The following PDE1C variants were observed in gnomAD, a reference collection of about 807,000 sequenced individuals.
PDE1C encodes dual specificity calcium/calmodulin-dependent 3',5'-cyclic nucleotide phosphodiesterase 1C.
A neutral mutation model predicts 93.1 loss-of-function variants in PDE1C; 62 were observed. The observed-to-expected ratio is 0.67, with a 90% confidence interval of 0.54 to 0.82. The LOEUF (loss-of-function observed/expected upper bound fraction) is 0.82. Ranked by LOEUF, PDE1C falls within the 40% of genes least tolerant of loss-of-function variation. The probability of loss-of-function intolerance (pLI) is 0.00; values close to 1 mark genes in which losing one functional copy is unlikely to be tolerated. For synonymous variants in PDE1C, 325 were observed against 310.1 expected (o/e 1.05, Z -0.50); for missense variants, 742 against 884.6 (o/e 0.84, Z 2.04).
chr7:32,075,793 C>T (rs1796315966), upstream of PDE1C, among the ~76,000 whole-genome samples: 1 of 152,160 alleles, frequency 6.6e-6, no homozygotes, highest in Admixed American at 6.5e-5. Flanking sequence ...CCCACAGTTT[C>T]TGCGCCTCTC....
intron 2 of PDE1C, among the ~76,000 whole-genome samples, chr7:31,983,549 G>C (rs1782967251): frequency 6.6e-6 from 1 of 152,110 alleles, no homozygotes; most frequent in African/African-American, 2.4e-5. Context: ...TCCTGCAAAA[G>C]TCAAATGAGA....
rs1583955079 is a variant in PDE1C, at chr7:31,759,700, A to G, written c.1961-6147T>C. Among the ~76,000 whole-genome samples, 3 of 152,304 alleles carry G rather than the reference A, an allele frequency of 2.0e-5. No homozygotes were observed. In the South Asian group the frequency reaches 6.2e-4, roughly 32 times the overall value. On this transcript the variant is annotated intron_variant, in intron 17 of 17. Coordinates refer to ENST00000396191, the MANE Select transcript of PDE1C (RefSeq NM_001191057.4). ...AAAAATTGATACATCACCGTCCTTT[A>G]TTTTATAATTATGCTCCATGTTTGA...
chr7:31,792,213 T>C (rs1784663235), intron 16 of PDE1C, among the ~76,000 whole-genome samples: 1 of 152,120 alleles, frequency 6.6e-6, no homozygotes, highest in South Asian at 2.1e-4. Context: ...CTAAGGTCCC[T>C]ATATCATAGC....
intron 1 of PDE1C, among the ~76,000 whole-genome samples, chr7:32,225,555 G>C (rs1364592641): frequency 6.6e-6 from 1 of 152,118 alleles, no homozygotes; most frequent in Admixed American, 6.5e-5. Context: ...TTAGGTGGGA[G>C]ATTGGAACAA....
the PDE1C span, among the ~76,000 whole-genome samples, chr7:31,680,846 A>G: frequency 6.6e-6 from 1 of 152,200 alleles, no homozygotes; most frequent in Admixed American, 6.5e-5. Flanking sequence ...TGAAAGGGCA[A>G]AGAGGTGGGA....
chr7:31,821,595 G>A (rs573555711), intron 14 of PDE1C, among the ~76,000 whole-genome samples: 2 of 152,136 alleles, frequency 1.3e-5, no homozygotes, highest in African/African-American at 4.8e-5. Flanking sequence ...GAATGGACTA[G>A]GAGAGGGTGC....
At chr7:32,003,221 C>A (rs1785710365) in intron 2 of PDE1C, among the ~76,000 whole-genome samples, 1 of 152,212 alleles carries the variant, frequency 6.6e-6, no homozygotes, top group East Asian at 1.9e-4. Flanking sequence ...TTGCTGGAAT[C>A]AGTTCTTTTT....
intron 1 of PDE1C, among the ~76,000 whole-genome samples, chr7:32,063,609 G>A (rs758576894): frequency 1.1e-4 from 16 of 152,192 alleles, no homozygotes; most frequent in Non-Finnish European, 2.1e-4. Flanking sequence ...AGCTGCATGA[G>A]TATTCAAGTA....
At chr7:31,691,409 C>T in the PDE1C span, among the ~76,000 whole-genome samples, 83 of 152,262 alleles carry the variant, frequency 5.5e-4, no homozygotes, top group Middle Eastern at 6.8e-3. Flanking sequence ...TTATTTATTC[C>T]TCCCCCACCA....
the PDE1C span, chr7:31,643,256 C>T: frequency 5.6e-6 from 9 of 1,613,804 alleles, no homozygotes; most frequent in Non-Finnish European, 5.1e-6. Context: ...TGTCCTCACA[C>T]CAACCACAGC....
At chr7:31,919,770 C>A (rs1185133194) in intron 2 of PDE1C, among the ~76,000 whole-genome samples, 1 of 152,176 alleles carries the variant, frequency 6.6e-6, no homozygotes, top group Non-Finnish European at 1.5e-5. Flanking sequence ...AGGGGAAAAT[C>A]CAGTCCACCT....
intron 1 of PDE1C, among the ~76,000 whole-genome samples, chr7:32,065,224 A>C (rs946849627): frequency 6.6e-6 from 1 of 152,180 alleles, no homozygotes; most frequent in African/African-American, 2.4e-5. Context: ...TATCTCAGTT[A>C]AGTGCAAGCA....
intron 3 of PDE1C, among the ~76,000 whole-genome samples, chr7:32,127,688 A>T (rs531757478): frequency 1.3e-5 from 2 of 152,102 alleles, no homozygotes; most frequent in Admixed American, 6.6e-5. Context: ...AAAATATAAA[A>T]TGCCTAGAAA....
intron 1 of PDE1C, among the ~76,000 whole-genome samples, chr7:32,399,223 C>G (rs215729): frequency 1.3e-5 from 2 of 151,950 alleles, no homozygotes; most frequent in Non-Finnish European, 2.9e-5. Context: ...AGTTTTGTCC[C>G]CATGTTGGAT....
intron 2 of PDE1C, among the ~76,000 whole-genome samples, chr7:32,179,182 G>C (rs564634816): frequency 2.3e-5 from 2 of 85,886 alleles, no homozygotes; most frequent in Non-Finnish European, 5.2e-5. Context: ...AGAACATCCT[G>C]CATTTCTGAA....
chr7:31,789,212 C>T (rs1784315030), intron 16 of PDE1C: 1 of 152,162 alleles, frequency 6.6e-6, no homozygotes, highest in South Asian at 2.1e-4. Flanking sequence ...CCTTAGATCC[C>T]ACCTGTAATT....
chr7:32,114,485 T>G lies in PDE1C; in HGVS notation c.308+55300A>C, dbSNP rs570395188. On this transcript the variant is annotated intron_variant, in intron 3 of 18. Transcript: ENST00000396193. ...AATTAACTCAAGATGGACTAAAGAC[T>G]TAAATGTAAAGCCCAAAGCCATAAA... Among the ~76,000 whole-genome samples, 8 of 152,252 alleles carry G rather than the reference T, an allele frequency of 5.3e-5. 1 individual carries two copies. In the South Asian group the frequency reaches 8.3e-4, roughly 16 times the overall value.
the PDE1C span, among the ~76,000 whole-genome samples, chr7:31,690,818 T>C: frequency 1.3e-5 from 2 of 152,214 alleles, no homozygotes; most frequent in African/African-American, 2.4e-5. Context: ...GTTTTACTAA[T>C]GGTATGTCAT....
intron 16 of PDE1C, chr7:31,784,544 A>C (rs1783717581): frequency 6.6e-6 from 1 of 152,096 alleles, no homozygotes. Context: ...TGCTAAAATG[A>C]TACTGCAAGC....
Sources: allele counts gnomAD v4.1 joint callset (sites outside exome capture counted in the v4.1 genomes callset), GRCh38; gene constraint gnomAD v4.1.1; transcripts MANE v1.5; gene names NCBI Gene and HGNC (gene_info 2026-07-23, HGNC 2026-07-21).